The following RACGAP1 variants were observed in gnomAD, a reference collection of about 807,000 sequenced individuals.
RACGAP1 encodes the protein rac GTPase-activating protein 1.
A neutral mutation model predicts 78.1 loss-of-function variants in RACGAP1; 30 were observed. That is an observed-to-expected ratio of 0.38 (90% confidence interval 0.29 to 0.52). The LOEUF is 0.52. Among genes scored for constraint, RACGAP1 ranks in the 20% least tolerant of loss-of-function variants. The pLI is 0.82. For missense variants in RACGAP1, 587 were observed against 777.1 expected, an observed-to-expected ratio of 0.76 and a Z score of 2.91; for synonymous variants, 231 against 264.8, an observed-to-expected ratio of 0.87 and a Z score of 1.24.
upstream of RACGAP1, chr12:50,025,552 A>G (rs138187359): frequency 2.9e-4 from 281 of 985,376 alleles, 1 homozygote; most frequent in African/African-American, 4.4e-3. Context: ...CTACGGTGTG[A>G]CGTACGCGTC....
rs1388542816 is a variant in RACGAP1, at chr12:49,997,022, G to A, written c.1044+18C>T. ...AATAAAGAGGCCATAAAACAATGAC[G>A]GCTTGCATAAGTCATACCTCTCCAA... On this transcript the variant is annotated intron_variant, in intron 10 of 16. Coordinates refer to ENST00000312377, the MANE Select transcript of RACGAP1 (RefSeq NM_001319999.2). 10 of 1,443,678 alleles carry A rather than the reference G, an allele frequency of 6.9e-6. No individual in the cohort carries two copies. The highest frequency in any genetic ancestry group is 4.3e-5 in the African/African-American group (3 of 69,384). 89.4% of individuals were successfully genotyped at this position (1,443,678 alleles called of 1,614,324 possible).
At chr12:50,026,047 A>G (rs368021901), upstream of RACGAP1, among the ~76,000 whole-genome samples, 45 of 152,368 alleles carry the variant, frequency 3.0e-4, no homozygotes, top group African/African-American at 1.1e-3. Flanking sequence ...GAAAACAAAA[A>G]TAAATACAAA....
At chr12:50,032,691 G>A (rs906964217) in intron 1 of RACGAP1, among the ~76,000 whole-genome samples, 9 of 152,206 alleles carry the variant, frequency 5.9e-5, no homozygotes, top group Non-Finnish European at 1.3e-4. Flanking sequence ...TTGAGAGCTG[G>A]TGCCAGAAAG....
At chr12:49,996,725 C>T (rs1253940883) in intron 10 of RACGAP1, among the ~76,000 whole-genome samples, 1 of 128,782 alleles carries the variant, frequency 7.8e-6, no homozygotes, top group Non-Finnish European at 1.6e-5. Context: ...GTTAGTTATA[C>T]TAATTTCTCT....
chr12:50,009,845 C>A (rs1393926434), intron 2 of RACGAP1, among the ~76,000 whole-genome samples: 2 of 152,220 alleles, frequency 1.3e-5, no homozygotes, highest in Non-Finnish European at 2.9e-5. Flanking sequence ...CTACCTATTA[C>A]ATACCCATTT....
intron 1 of RACGAP1, among the ~76,000 whole-genome samples, chr12:50,020,673 T>C (rs1949960839): frequency 6.6e-6 from 1 of 152,174 alleles, no homozygotes; most frequent in African/African-American, 2.4e-5. Context: ...GCAGACCTAC[T>C]CAGAGACCTC....
At chr12:49,994,969 A>G (rs755001566) in intron 10 of RACGAP1, among the ~76,000 whole-genome samples, 1 of 152,216 alleles carries the variant, frequency 6.6e-6, no homozygotes, top group Non-Finnish European at 1.5e-5. Flanking sequence ...ATTATTTAAC[A>G]TATCTTATCA....
At chr12:50,026,997 C>T (rs778762735), upstream of RACGAP1, among the ~76,000 whole-genome samples, 3 of 152,076 alleles carry the variant, frequency 2.0e-5, no homozygotes, top group East Asian at 1.9e-4. Flanking sequence ...AGCAGGCGTT[C>T]GGCTGACCCA....
chr12:50,007,784 GGTT>G (rs1301148532), intron 2 of RACGAP1, among the ~76,000 whole-genome samples: 1 of 151,868 alleles, frequency 6.6e-6, no homozygotes, highest in African/African-American at 2.4e-5. Flanking sequence ...CAGCAAAATA[GGTT>G]ATTATGACCT....
intron 10 of RACGAP1, among the ~76,000 whole-genome samples, chr12:49,995,788 C>T (rs1948224794): frequency 6.6e-6 from 1 of 152,126 alleles, no homozygotes; most frequent in Non-Finnish European, 1.5e-5. Flanking sequence ...AGCTACCACA[C>T]TCAGCAATAA....
intron 3 of RACGAP1, 151 bp from the exon 4 acceptor site, chr12:50,005,543 C>G (rs149974180): frequency 1.7e-5 from 14 of 813,050 alleles, no homozygotes; most frequent in Admixed American, 1.5e-4. Context: ...CATATTAATT[C>G]ACATCAAACC....
Position 49,996,563 on chromosome 12 carries a change from C to G in RACGAP1, c.1044+477G>C, listed in dbSNP as rs1948276417. ...GCTGAGGCAAGAAAATCGCTTGAGC[C>G]CAGGGGGGCGGAGGTTGCAGTGAGC... On this transcript the variant is annotated intron_variant, in intron 10 of 16. Coordinates refer to ENST00000312377, the MANE Select transcript of RACGAP1 (RefSeq NM_001319999.2). 2.3e-5 allele frequency among the ~76,000 whole-genome samples: 3 copies of G among 132,292 alleles called. No individual in the cohort carries two copies. The Admixed American group carries it at 2.7e-4, about 12-fold the overall frequency. 86.8% of individuals were successfully genotyped at this position (132,292 alleles called of 152,430 possible). A position where few individuals can be genotyped will look rare whatever the true frequency, so the allele number is the denominator to read the frequency against.
Position 49,992,070 on chromosome 12 carries a change from C to T in RACGAP1, c.1642G>A (p.Glu548Lys), listed in dbSNP as rs1339688743. The T allele has an allele frequency of 1.9e-6, 3 of 1,614,062 alleles. No individual in the cohort carries two copies. The highest frequency in any genetic ancestry group is 2.5e-6 in the Non-Finnish European group (3 of 1,180,014). The change falls in exon 15 of 17, where the codon GAG becomes AAG. Residue 548 changes from glutamate to lysine, a missense_variant. Physicochemically the swap from Glu to Lys is moderately conservative, Grantham distance 56 (BLOSUM62 1). Coordinates refer to ENST00000312377, the MANE Select transcript of RACGAP1 (RefSeq NM_001319999.2). ...YWSQFMMVEQ[E>K]NIDPLHVIEN... ...ATGACATGTAGGGGGTCAATGTTCT[C>T]TTGCTCCACCATCATGAACTGACTC...
intron 3 of RACGAP1, among the ~76,000 whole-genome samples, chr12:50,005,863 A>C (rs920601861): frequency 1.3e-5 from 2 of 152,252 alleles, no homozygotes; most frequent in Non-Finnish European, 2.9e-5. Context: ...ACTGTATACC[A>C]AGATGGATTA....
At chr12:50,018,504 T>C (rs919087727) in intron 1 of RACGAP1, 39 of 1,270,346 alleles carry the variant, frequency 3.1e-5, no homozygotes, top group Non-Finnish European at 3.7e-5. Flanking sequence ...TATAATGAAA[T>C]AGGCAACATA....
intron 6 of RACGAP1, among the ~76,000 whole-genome samples, chr12:50,001,820 C>G (rs534606356): frequency 1.2e-4 from 19 of 152,290 alleles, no homozygotes; most frequent in Non-Finnish European, 2.5e-4. Context: ...AATCCCAGCA[C>G]TTTGGGAGGC....
chr12:50,010,252 T>C (rs1949230613), intron 2 of RACGAP1, among the ~76,000 whole-genome samples: 1 of 151,914 alleles, frequency 6.6e-6, no homozygotes. Context: ...ATTAAAGTCA[T>C]CTTTTTTAAA....
chr12:49,990,555 CA>C, intron 16 of RACGAP1, 128 bp downstream of exon 16: 1 of 823,824 alleles, frequency 1.2e-6, no homozygotes, highest in Non-Finnish European at 1.9e-6. Context: ...CTTATAGCCC[CA>C]CGTTCCCTTT....
chr12:50,011,331 C>CAAAA (rs34796842), intron 2 of RACGAP1, among the ~76,000 whole-genome samples: 1 of 71,480 alleles, frequency 1.4e-5, no homozygotes, highest in Non-Finnish European at 3.2e-5. Context: ...GAGACTGTCT[C>CAAAA]AAAAAAAAAA....
Sources: allele counts gnomAD v4.1 joint callset (sites outside exome capture counted in the v4.1 genomes callset), GRCh38; gene constraint gnomAD v4.1.1; transcripts MANE v1.5; gene names NCBI Gene and HGNC (gene_info 2026-07-23, HGNC 2026-07-21).